The following THTPA variants were observed in gnomAD, a reference collection of about 807,000 sequenced individuals.
THTPA encodes the protein thiamine-triphosphatase.
A neutral mutation model predicts 16.5 loss-of-function variants in THTPA; 16 were observed. The observed-to-expected ratio is 0.97, with a 90% confidence interval of 0.66 to 1.47. The LOEUF is 1.47. Ranked by LOEUF, THTPA falls within the 40% of genes most tolerant of loss-of-function variation. The probability of loss-of-function intolerance (pLI) is 0.00; values close to 1 mark genes in which losing one functional copy is unlikely to be tolerated. For synonymous variants in THTPA, 110 were observed against 115.5 expected, an observed-to-expected ratio of 0.95 and a Z score of 0.30; for missense variants, 281 against 280.9, an observed-to-expected ratio of 1.00 and a Z score of 0.00.
upstream of THTPA, among the ~76,000 whole-genome samples, chr14:23,554,446 G>A (rs139553038): frequency 8.5e-3 from 1,288 of 152,118 alleles, 22 homozygotes; most frequent in African/African-American, 0.03. Flanking sequence ...TAGCAGGATC[G>A]TAGCTCACTG....
Position 23,559,664 on chromosome 14 carries a change from G to A in THTPA, c.*824G>A. 2 of 1,258,962 alleles carry A rather than the reference G, an allele frequency of 1.6e-6. No homozygotes were observed. The highest frequency in any genetic ancestry group is 1.1e-6 in the Non-Finnish European group (1 of 874,584). The allele number at this position is 1,258,962 out of a possible 1,614,324, so 78.0% of individuals were successfully genotyped here. ...GTGCAAAGCCAGAGCGCCACCTGCTGGTAGCCCTCAGGTGTAGGTTCGAAG... is the reference window on the plus strand; with the variant it reads ...GTGCAAAGCCAGAGCGCCACCTGCTAGTAGCCCTCAGGTGTAGGTTCGAAG... On this transcript the variant is annotated 3_prime_UTR_variant, in exon 2 of 2. Transcript: ENST00000288014.
chr14:23,527,559 C>T, the THTPA span: 1 of 1,535,054 alleles, frequency 6.5e-7, no homozygotes, highest in Non-Finnish European at 8.7e-7. Context: ...CCTGCACAGC[C>T]CTAATAAGGT....
At chr14:23,534,867 G>A in the THTPA span, 1 of 1,536,126 alleles carries the variant, frequency 6.5e-7, no homozygotes, top group Non-Finnish European at 8.7e-7. This position sits in a 1 kb window ranked among gnomAD's most constrained non-coding sequence, Gnocchi z 4.5. Flanking sequence ...AGGGCAGACT[G>A]GGCTCTTCCT....
Position 23,556,658 on chromosome 14 carries a change from A to G in THTPA, c.-100A>G. The G allele has an allele frequency of 3.1e-6, 4 of 1,294,808 alleles. 1 individual carries two copies. The highest frequency in any genetic ancestry group is 3.0e-5 in the South Asian group (2 of 65,580). 80.2% of individuals were successfully genotyped at this position (1,294,808 alleles called of 1,614,324 possible). ...CAGTGTGCCCCTCATAAGTTTTTCCAGGGAGGGGTTCTGTACTGAGTTGAC... is the reference window on the plus strand; with the variant it reads ...CAGTGTGCCCCTCATAAGTTTTTCCGGGGAGGGGTTCTGTACTGAGTTGAC... On this transcript the variant is annotated 5_prime_UTR_variant, in exon 1 of 2. Transcript: ENST00000288014.
chr14:23,546,250 G>C, the THTPA span, among the ~76,000 whole-genome samples: 1 of 152,170 alleles, frequency 6.6e-6, no homozygotes, highest in Non-Finnish European at 1.5e-5. This position sits in a 1 kb window ranked among gnomAD's most constrained non-coding sequence, Gnocchi z 4.7. Flanking sequence ...CCAGTTGATG[G>C]TCCTGCTGGG....
At chr14:23,540,355 T>C in the THTPA span, among the ~76,000 whole-genome samples, 1 of 152,210 alleles carries the variant, frequency 6.6e-6, no homozygotes, top group African/African-American at 2.4e-5. Flanking sequence ...TTAGAGTCAA[T>C]TTTAGGACCT....
At chr14:23,534,061 G>C in the THTPA span, 5 of 1,528,954 alleles carry the variant, frequency 3.3e-6, no homozygotes, top group Admixed American at 9.9e-5. The surrounding 1 kb of genome is among the most constrained non-coding windows in gnomAD (Gnocchi z 4.5). Flanking sequence ...GTAGTCATCA[G>C]CTAGGCGATA....
chr14:23,559,034 T>A lies in THTPA; in HGVS notation c.*194T>A. The stretch of plus-strand genomic sequence containing the variant: ...TGCTTCCTCTCGCTCATCCGTCAGA[T>A]GCAATCTGTGGGCCGCCCCTCTCCC... On this transcript the variant is annotated 3_prime_UTR_variant, in exon 2 of 2. Coordinates refer to ENST00000288014, the MANE Select transcript of THTPA (RefSeq NM_024328.6). The A allele has an allele frequency of 1.5e-6, 1 of 654,946 alleles. No homozygotes were observed. Among genetic ancestry groups the A allele is most frequent in the Non-Finnish European group, 2.5e-6 (1 of 392,734 alleles). The allele number at this position is 654,946 out of a possible 1,614,324, so 40.6% of individuals were successfully genotyped here. A position where few individuals can be genotyped will look rare whatever the true frequency, so the allele number is the denominator to read the frequency against.
At chr14:23,531,327 C>T in the THTPA span, 1 of 1,146,778 alleles carries the variant, frequency 8.7e-7, no homozygotes, top group Non-Finnish European at 1.1e-6. Context: ...CACGCTCATT[C>T]TGTCTTATCC....
At chr14:23,534,330 G>A in the THTPA span, 1 of 1,536,574 alleles carries the variant, frequency 6.5e-7, no homozygotes, top group Non-Finnish European at 8.7e-7. This position sits in a 1 kb window ranked among gnomAD's most constrained non-coding sequence, Gnocchi z 4.5. Context: ...GGAGGATAAG[G>A]GCCTGGACTT....
chr14:23,535,712 C>A, the THTPA span, among the ~76,000 whole-genome samples: 1 of 152,088 alleles, frequency 6.6e-6, no homozygotes, highest in African/African-American at 2.4e-5. The surrounding 1 kb of genome is among the most constrained non-coding windows in gnomAD (Gnocchi z 4.5). Context: ...CCTGCCTCAG[C>A]CTCCTGAGTA....
the THTPA span, chr14:23,526,082 C>T: frequency 1.3e-6 from 2 of 1,536,380 alleles, no homozygotes; most frequent in African/African-American, 2.7e-5. Flanking sequence ...GCGTTCTGGC[C>T]CTTCAATCTT....
At chr14:23,539,388 G>A in the THTPA span, among the ~76,000 whole-genome samples, 1 of 152,142 alleles carries the variant, frequency 6.6e-6, no homozygotes, top group Non-Finnish European at 1.5e-5. Flanking sequence ...ATGGAGGTGG[G>A]AAGATACACA....
At chr14:23,523,622 C>G in the THTPA span, 2 of 1,557,946 alleles carry the variant, frequency 1.3e-6, no homozygotes, top group Non-Finnish European at 1.7e-6. The surrounding 1 kb of genome is among the most constrained non-coding windows in gnomAD (Gnocchi z 4.1). Context: ...CTGGATGACT[C>G]TCTTGGGCAG....
the THTPA span, among the ~76,000 whole-genome samples, chr14:23,549,462 C>T: frequency 1.3e-5 from 2 of 152,220 alleles, no homozygotes; most frequent in Admixed American, 1.3e-4. Flanking sequence ...ATCCTTTATC[C>T]ACCCTTACTG....
At chr14:23,543,533 G>A in the THTPA span, 1 of 152,312 alleles carries the variant, frequency 6.6e-6, no homozygotes, top group African/African-American at 2.4e-5. Context: ...CTTCCATTTG[G>A]TTTGTTTCTT....
chr14:23,531,405 C>T, the THTPA span: 1 of 1,334,294 alleles, frequency 7.5e-7, no homozygotes, highest in Non-Finnish European at 9.6e-7. Context: ...GTATCTCTAA[C>T]TCCGCAGCCC....
chr14:23,522,438 G>A, the THTPA span: 1 of 1,536,502 alleles, frequency 6.5e-7, no homozygotes, highest in Non-Finnish European at 8.7e-7. Flanking sequence ...GGCTTTGGAG[G>A]TGCTGTGGCT....
At chr14:23,541,810 A>T in the THTPA span, among the ~76,000 whole-genome samples, 1 of 130,942 alleles carries the variant, frequency 7.6e-6, no homozygotes, top group African/African-American at 3.4e-5. Context: ...CCCTGCATTT[A>T]AAACTATCAT....
Sources: gnomAD v4.1 joint callset for allele counts (sites outside exome capture counted in the v4.1 genomes callset) on GRCh38, gnomAD v4.1.1 for gene constraint, Gnocchi (gnomAD v3.1) non-coding constraint, MANE v1.5 for transcripts, NCBI Gene and HGNC (gene_info 2026-07-23, HGNC 2026-07-21) for gene names.